Variants in FBN3 observed in about 807,000 individuals in gnomAD.
The protein encoded by FBN3 is fibrillin 3, also known as fibrillin-3.
Under a neutral mutation model 330.1 loss-of-function variants are expected in FBN3, and 234 were observed. That is an observed-to-expected ratio of 0.71 (90% confidence interval 0.64 to 0.79). The LOEUF is 0.79. Ranked by LOEUF, FBN3 falls within the 30% of genes least tolerant of loss-of-function variation. FBN3 has a pLI of 0.00. For missense variants in FBN3, 3,606 were observed against 3,886.9 expected (o/e 0.93, Z 1.92); for synonymous variants, 1,458 against 1,517.3 (o/e 0.96, Z 0.91).
Position 8,129,943 on chromosome 19 carries a change from G to A in FBN3, c.2045-578C>T, listed in dbSNP as rs1161626495. 6.6e-6 allele frequency among the ~76,000 whole-genome samples: 1 copy of A among 151,836 alleles called. No individual in the cohort carries two copies. Among genetic ancestry groups the A allele is most frequent in the Non-Finnish European group, 1.5e-5 (1 of 67,966 alleles). ...GATAGGGTCTCACTCTGTCGCACAG[G>A]CTGGAGTGCAGTGGTGCGATCTCGG... On this transcript the variant is annotated intron_variant, in intron 16 of 63. Transcript: ENST00000600128. This position sits in a 1 kb window ranked among gnomAD's most constrained non-coding sequence, Gnocchi z 4.5.
intron 49 of FBN3, 43 bp downstream of exon 49, chr19:8,090,056 A>G (rs772617760): frequency 7.5e-6 from 12 of 1,606,922 alleles, no homozygotes; most frequent in Non-Finnish European, 9.4e-6. Flanking sequence ...GAGGAAGGTG[A>G]GGGCACATCA....
At position 8,142,064 on chromosome 19, in the gene FBN3, G is replaced by A. The variant is rs775973524; in HGVS notation, c.615C>T (p.Cys205=). The change falls in exon 7 of 64, where the codon TGC becomes TGT. Residue 205 remains cysteine, a synonymous_variant. Transcript: ENST00000600128. Reference sequence around the variant, plus strand: ...CAGTGGCACAGCAAAGTGCCTTGGTGCACACGAGGCCCGTCAGCTGATGCT... The same window carrying A: ...CAGTGGCACAGCAAAGTGCCTTGGTACACACGAGGCCCGTCAGCTGATGCT... ...GCQHQLTGLV[C]TKALCCATVG... is the part of the protein sequence containing the mutation. 8.7e-6 allele frequency: 14 copies of A among 1,614,050 alleles called. No individual in the cohort carries two copies. Among genetic ancestry groups the A allele is most frequent in the South Asian group, 2.2e-5 (2 of 91,082 alleles).
At chr19:8,082,309 C>CTCTCT (rs145407689) in intron 57 of FBN3, among the ~76,000 whole-genome samples, 1 of 40,856 alleles carries the variant, frequency 2.4e-5, no homozygotes, top group Non-Finnish European at 5.9e-5. Flanking sequence ...CTCTTTCTCC[C>CTCTCT]TTTCTCTTTC....
intron 14 of FBN3, among the ~76,000 whole-genome samples, chr19:8,132,248 A>G (rs571014664): frequency 1.3e-5 from 2 of 151,932 alleles, no homozygotes; most frequent in East Asian, 3.9e-4. Flanking sequence ...GAGTCTCATC[A>G]TGTTGCCCAG....
chr19:8,073,576 A>T (rs531393236), intron 61 of FBN3, among the ~76,000 whole-genome samples: 1 of 152,318 alleles, frequency 6.6e-6, no homozygotes, highest in Non-Finnish European at 1.5e-5. Flanking sequence ...TGCTATTGAC[A>T]CTTGGGGCCA....
At position 8,131,469 on chromosome 19, in the gene FBN3, C is replaced by T. The variant is rs1196836861; in HGVS notation, c.1990+85G>A. On this transcript the variant is annotated intron_variant, in intron 15 of 63. Transcript: ENST00000600128. The surrounding 1 kb of genome is among the most constrained non-coding windows in gnomAD (Gnocchi z 4.5). ...TTTGGGAAGAGCCCCCACTCCATGG[C>T]AGCCATGACCCCCCACCAGAAGCGA... 61 of 1,523,690 alleles carry T rather than the reference C, an allele frequency of 4.0e-5. No homozygotes were observed. Among genetic ancestry groups the T allele is most frequent in the Middle Eastern group, 3.5e-4 (2 of 5,670 alleles). 94.4% of individuals were successfully genotyped at this position (1,523,690 alleles called of 1,614,324 possible). A position where few individuals can be genotyped will look rare whatever the true frequency, so the allele number is the denominator to read the frequency against.
At chr19:8,086,886 TC>T (rs755216661) in intron 54 of FBN3, among the ~76,000 whole-genome samples, 190 bp downstream of exon 54, 3 of 149,808 alleles carry the variant, frequency 2.0e-5, no homozygotes, top group South Asian at 2.1e-4. Context: ...CCACTGCCTG[TC>T]CCCCCCCACT....
In FBN3 at chr19:8,109,860, G is replaced by A. The variant is rs960279974; in HGVS notation, c.4334-107C>T. ...GCCCTCGCTCAAGGTCAACTCCTGG[G>A]CACCAGATTGTGGGACAATGTCATG... On this transcript the variant is annotated intron_variant, in intron 34 of 63. Coordinates refer to ENST00000600128, the MANE Select transcript of FBN3 (RefSeq NM_032447.5). This position sits in a 1 kb window ranked among gnomAD's most constrained non-coding sequence, Gnocchi z 5.2. 2 of 1,255,146 alleles carry A rather than the reference G, an allele frequency of 1.6e-6. No homozygotes were observed. Among genetic ancestry groups the A allele is most frequent in the African/African-American group, 1.5e-5 (1 of 65,994 alleles). 77.8% of individuals were successfully genotyped at this position (1,255,146 alleles called of 1,614,324 possible).
Position 8,096,067 on chromosome 19 carries a change from A to G in FBN3, c.5553T>C (p.Cys1851=), listed in dbSNP as rs772037276. 8 of 1,613,622 alleles carry G rather than the reference A, an allele frequency of 5.0e-6. No homozygotes were observed. Among genetic ancestry groups the G allele is most frequent in the Non-Finnish European group, 6.8e-6 (8 of 1,179,670 alleles). ...DQTLCMDIDE[C]DRQPCGNGTC... is the part of the protein sequence containing the mutation. Reference sequence around the variant, plus strand: ...TCCCATTTCCACAAGGCTGCCGGTCACACTCGTCAATGTCTGCAGAAGCAA... The same window carrying G: ...TCCCATTTCCACAAGGCTGCCGGTCGCACTCGTCAATGTCTGCAGAAGCAA... The change falls in exon 45 of 64, where the codon TGT becomes TGC. Residue 1851 remains cysteine (C), a synonymous_variant. Transcript: ENST00000600128. This position sits in a 1 kb window ranked among gnomAD's most constrained non-coding sequence, Gnocchi z 4.6.
Position 8,090,321 on chromosome 19 carries a change from C to T in FBN3, c.6032-70G>A, listed in dbSNP as rs549880515. The T allele has an allele frequency of 6.8e-5, 106 of 1,563,850 alleles. 1 individual carries two copies. The South Asian group carries it at 7.3e-4, about 11-fold the overall frequency. On this transcript the variant is annotated intron_variant, in intron 48 of 63. Transcript: ENST00000600128. ...GTGCCCACCTGCCCCTGTGACCTCC[C>T]GCACCCCAGTCCTGGTGAATGGGTT... is the stretch of plus-strand genomic sequence containing the variant.
chr19:8,133,188 C>A, intron 13 of FBN3, 82 bp from the exon 14 acceptor site: 1 of 1,452,326 alleles, frequency 6.9e-7, no homozygotes, highest in Non-Finnish European at 9.1e-7. Context: ...CCAGGGCTGA[C>A]CCCCCAGGAT....
Position 8,065,952 on chromosome 19 carries a change from G to A in FBN3, c.8397C>T (p.Ala2799=), listed in dbSNP as rs749655203. Residue 2799 remains alanine, a synonymous_variant, in exon 64 of 64, where the codon GCC becomes GCT. Transcript: ENST00000600128. The stretch of plus-strand genomic sequence containing the variant: ...ACTGCAGCTGCACCTTCAGCCTCAA[G>A]GCCTGGCCCCATGGCCCTGGCTGCC... ...PEGQPGPWGQ[A]LRLKVQLQLL The A allele has an allele frequency of 1.2e-6, 2 of 1,606,382 alleles. No individual in the cohort carries two copies. Among genetic ancestry groups the A allele is most frequent in the African/African-American group, 1.3e-5 (1 of 74,892 alleles).
chr19:8,088,688 C>T (rs904871734), intron 51 of FBN3, among the ~76,000 whole-genome samples: 2 of 151,824 alleles, frequency 1.3e-5, no homozygotes, highest in East Asian at 3.9e-4. Flanking sequence ...AATGAGGAAA[C>T]GAATGAGTGA....
intron 14 of FBN3, 70 bp downstream of exon 14, chr19:8,132,914 C>T (rs1362814346): frequency 1.4e-6 from 2 of 1,471,246 alleles, no homozygotes; most frequent in Non-Finnish European, 1.8e-6. Flanking sequence ...TCCCTCTCCT[C>T]TTCCTCGCCG....
intron 16 of FBN3, among the ~76,000 whole-genome samples, chr19:8,131,000 T>C (rs1599417472): frequency 1.3e-5 from 2 of 151,632 alleles, no homozygotes; most frequent in Non-Finnish European, 2.9e-5. Flanking sequence ...TGGAGAGAGG[T>C]CCGGGACAGA....
chr19:8,131,649 G>A lies in FBN3; in HGVS notation c.1895C>T (p.Pro632Leu), dbSNP rs1191881454. The A allele has an allele frequency of 1.2e-6, 2 of 1,614,236 alleles. No homozygotes were observed. Among genetic ancestry groups the A allele is most frequent in the Non-Finnish European group, 1.7e-6 (2 of 1,180,042 alleles). ...GGACTTGGTGACAGTGCCAGGGAAG[G>A]GGCGGGCACAGGAGCCCTTCTCGAT... ...GAIEKGSCARPFPGTVTKSEC... is the reference protein window; with the variant it reads ...GAIEKGSCARLFPGTVTKSEC... Residue 632 changes from proline to leucine, a missense_variant, in exon 15 of 64, where the codon CCC (proline) becomes CTC (leucine). Transcript: ENST00000600128. This position sits in a 1 kb window ranked among gnomAD's most constrained non-coding sequence, Gnocchi z 4.5.
intron 13 of FBN3, 26 bp downstream of exon 13, chr19:8,135,935 T>TTGGGGGGGGGGGGCGC: frequency 7.4e-7 from 1 of 1,344,156 alleles, no homozygotes; most frequent in Non-Finnish European, 1.0e-6. Context: ...CGGAAGCCCC[T>TTGGGGGGGGGGGGCGC]GCCCACCCGC....
At chr19:8,146,316 G>A in intron 3 of FBN3, 91 bp from the exon 4 acceptor site, 1 of 1,042,756 alleles carries the variant, frequency 9.6e-7, no homozygotes, top group South Asian at 1.4e-5. Flanking sequence ...GAACACCTCA[G>A]TGGACGCTGC....
At chr19:8,066,296 G>T in intron 63 of FBN3, 36 bp from the exon 64 acceptor site, 1 of 1,438,588 alleles carries the variant, frequency 7.0e-7, no homozygotes, top group Non-Finnish European at 9.3e-7. Flanking sequence ...TCAGAGCCCA[G>T]GAGAATCGGG....
Sources: allele counts gnomAD v4.1 joint callset (sites outside exome capture counted in the v4.1 genomes callset), GRCh38; gene constraint gnomAD v4.1.1; non-coding constraint Gnocchi (gnomAD v3.1); transcripts MANE v1.5; gene names NCBI Gene and HGNC (gene_info 2026-07-23, HGNC 2026-07-21).